CD84: variants seen among roughly 807,000 people sequenced by gnomAD.
CD84 encodes the protein CD84 molecule.
CD84 carries 22 observed loss-of-function variants against 33.8 expected under a neutral mutation model. The ratio of observed to expected loss-of-function variants is 0.65; its 90% CI spans 0.46 to 0.93. The LOEUF is 0.93. CD84 is among the 40% of genes least tolerant of loss of function. The pLI is 0.00. For synonymous variants in CD84, 154 were observed against 145.2 expected, an observed-to-expected ratio of 1.06 and a Z score of -0.44; for missense variants, 400 against 397.6, an observed-to-expected ratio of 1.01 and a Z score of -0.05.
chr1:160,553,170 G>A, intron 4 of CD84: 1 of 784,388 alleles, frequency 1.3e-6, no homozygotes, highest in Non-Finnish European at 2.1e-6. Flanking sequence ...ACCAGCTACT[G>A]GTGATCTCAG....
chr1:160,574,101 A>C (rs947769131), intron 1 of CD84, among the ~76,000 whole-genome samples: 1 of 124,206 alleles, frequency 8.1e-6, no homozygotes, highest in Non-Finnish European at 1.8e-5. Flanking sequence ...TCAAAACAAA[A>C]AACAAAAACA....
chr1:160,560,012 A>G (rs1475958865), intron 2 of CD84, among the ~76,000 whole-genome samples: 1 of 152,184 alleles, frequency 6.6e-6, no homozygotes. Context: ...TTAGAGATCT[A>G]CAAAAAGACT....
intron 5 of CD84, chr1:160,550,557 G>T: frequency 1.1e-6 from 1 of 925,776 alleles, no homozygotes; most frequent in Non-Finnish European, 1.3e-6. Context: ...CTGTTGCCTC[G>T]TAGCCCCCTT....
At chr1:160,553,755 C>T in intron 3 of CD84, 140 bp downstream of exon 3, 1 of 1,357,536 alleles carries the variant, frequency 7.4e-7, no homozygotes. Flanking sequence ...CAGTAGGCTT[C>T]TTGGGAGGTG....
chr1:160,553,111 G>A (rs41266917), intron 4 of CD84: 7,304 of 601,384 alleles, frequency 0.012, 90 homozygotes, highest in Middle Eastern at 0.029. Flanking sequence ...GTACAGTGAA[G>A]CACAGCTTGT....
intron 2 of CD84, 88 bp downstream of exon 2, chr1:160,565,315 AC>A: frequency 1.1e-6 from 1 of 913,318 alleles, no homozygotes; most frequent in Non-Finnish European, 1.7e-6. Flanking sequence ...GATTTAGGGG[AC>A]CCAATTATCA....
chr1:160,555,940 T>C (rs1169021516), intron 2 of CD84, among the ~76,000 whole-genome samples: 1 of 152,206 alleles, frequency 6.6e-6, no homozygotes, highest in East Asian at 1.9e-4. Context: ...ATATTAGAAT[T>C]AGTGAAGACT....
At chr1:160,554,959 G>A (rs1571354811) in intron 2 of CD84, among the ~76,000 whole-genome samples, 2 of 150,646 alleles carry the variant, frequency 1.3e-5, no homozygotes, top group South Asian at 2.1e-4. Context: ...GAAACTGTGT[G>A]CTACACATCC....
rs2102098789 is a variant in CD84 at position 160,542,029 on chromosome 1, G to A, written c.*6227C>T. Reference sequence around the variant, plus strand: ...TAGAGGGGATCTGGGGTGACAGGGAGAATGAAGGAGCCAAGGATGAAAAAG... The same window carrying A: ...TAGAGGGGATCTGGGGTGACAGGGAAAATGAAGGAGCCAAGGATGAAAAAG... On this transcript the variant is annotated 3_prime_UTR_variant, in exon 7 of 7. Transcript: ENST00000368054. 1 of 152,390 alleles carries A rather than the reference G, an allele frequency of 6.6e-6. No individual in the cohort carries two copies. Among genetic ancestry groups the A allele is most frequent in the South Asian group, 2.1e-4 (1 of 4,824 alleles). 9.4% of individuals were successfully genotyped at this position (152,390 alleles called of 1,614,324 possible).
chr1:160,565,866 G>T, intron 1 of CD84, 121 bp from the exon 2 acceptor site: 2 of 780,602 alleles, frequency 2.6e-6, no homozygotes, highest in Non-Finnish European at 3.9e-6. Context: ...AGTTTCTTGA[G>T]GATGCCTTTT....
rs371616314 is a variant in CD84 at position 160,550,581 on chromosome 1, C to T, written c.858+357G>A. ...CGTAGCCCCCTTAGCAACCTGTTCA[C>T]CACGTTGGTAGTCACATAGCAGCCC... On this transcript the variant is annotated intron_variant, in intron 5 of 6. Transcript: ENST00000368054. The T allele has an allele frequency of 4.1e-6, 4 of 978,222 alleles. No homozygotes were observed. The South Asian group carries it at 1.4e-4, about 35-fold the overall frequency. 60.6% of individuals were successfully genotyped at this position (978,222 alleles called of 1,614,324 possible).
intron 1 of CD84, among the ~76,000 whole-genome samples, chr1:160,569,546 G>A (rs113117440): frequency 0.019 from 2,768 of 149,542 alleles, 98 homozygotes; most frequent in African/African-American, 0.065. Context: ...ACACACGCAC[G>A]CACGCACGCA....
At chr1:160,571,103 C>G (rs1282452600) in intron 1 of CD84, 4 of 152,014 alleles carry the variant, frequency 2.6e-5, no homozygotes, top group Admixed American at 6.6e-5. Context: ...TTTACATGAG[C>G]AAGAAATAAA....
chr1:160,577,681 G>A (rs1473284017), intron 1 of CD84, among the ~76,000 whole-genome samples: 1 of 152,172 alleles, frequency 6.6e-6, no homozygotes, highest in Non-Finnish European at 1.5e-5. Flanking sequence ...AATGAAAAGC[G>A]AGTGTGAAAA....
At position 160,544,473 on chromosome 1, in the gene CD84, A is replaced by G. The variant is rs2102106889; in HGVS notation, c.*3783T>C. The stretch of plus-strand genomic sequence containing the variant: ...AAGCTTCATTTTACAATCAGTAGAC[A>G]CTGTCACTAATTATTGAGAAAATTT... On this transcript the variant is annotated 3_prime_UTR_variant, in exon 7 of 7. Transcript: ENST00000368054. 6.6e-6 allele frequency: 1 copy of G among 152,268 alleles called. No individual in the cohort carries two copies. Among genetic ancestry groups the G allele is most frequent in the Admixed American group, 6.5e-5 (1 of 15,298 alleles). The allele number at this position is 152,268 out of a possible 1,614,324, so 9.4% of individuals were successfully genotyped here. A position where few individuals can be genotyped will look rare whatever the true frequency, so the allele number is the denominator to read the frequency against.
intron 2 of CD84, among the ~76,000 whole-genome samples, chr1:160,564,144 A>G (rs2102176215): frequency 6.6e-6 from 1 of 152,312 alleles, no homozygotes; most frequent in Non-Finnish European, 1.5e-5. Context: ...AATTGTGGCA[A>G]TTATAATGAT....
chr1:160,549,859 G>A (rs768534184), intron 6 of CD84, 58 bp downstream of exon 6: 38 of 1,267,002 alleles, frequency 3.0e-5, no homozygotes, highest in East Asian at 1.4e-4. Context: ...TGGACCGGGT[G>A]CACCAGAATG....
At chr1:160,548,560 T>C (rs1346250664) in intron 6 of CD84, among the ~76,000 whole-genome samples, 1 of 151,894 alleles carries the variant, frequency 6.6e-6, no homozygotes, top group Non-Finnish European at 1.5e-5. Flanking sequence ...AAAAGAGCAA[T>C]GGGAGGGAAT....
intron 1 of CD84, among the ~76,000 whole-genome samples, chr1:160,568,581 C>A (rs1657469349): frequency 6.6e-6 from 1 of 152,110 alleles, no homozygotes; most frequent in African/African-American, 2.4e-5. Context: ...TACTTATGAA[C>A]TGGACAACCT....
Sources: allele counts gnomAD v4.1 joint callset (sites outside exome capture counted in the v4.1 genomes callset), GRCh38; gene constraint gnomAD v4.1.1; transcripts MANE v1.5; gene names NCBI Gene and HGNC (gene_info 2026-07-23, HGNC 2026-07-21).